Variants in CNTNAP2 observed in about 807,000 individuals in gnomAD.
CNTNAP2 encodes contactin-associated protein-like 2.
CNTNAP2 carries 98 observed loss-of-function variants against 155.2 expected under a neutral mutation model. The observed-to-expected ratio is 0.63, with a 90% CI of 0.54 to 0.75. CNTNAP2 has a LOEUF of 0.75. Ranked by LOEUF, CNTNAP2 falls within the 30% of genes least tolerant of loss-of-function variation. CNTNAP2 has a pLI of 0.00. For missense variants in CNTNAP2, 1,727 were observed against 1,688.1 expected (o/e 1.02, Z -0.40); for synonymous variants, 651 against 631.2 (o/e 1.03, Z -0.47).
intron 15 of CNTNAP2, among the ~76,000 whole-genome samples, chr7:147,998,412 A>G (rs770571541): frequency 5.9e-5 from 9 of 152,054 alleles, no homozygotes; most frequent in Non-Finnish European, 1.0e-4. Context: ...CGCCCGGCCC[A>G]TGGTCACTTT....
At chr7:146,665,248 G>A (rs748047646) in intron 1 of CNTNAP2, among the ~76,000 whole-genome samples, 10 of 152,110 alleles carry the variant, frequency 6.6e-5, no homozygotes, top group African/African-American at 1.2e-4. Context: ...CGCGCCCGGC[G>A]TCTTGCTATC....
intron 1 of CNTNAP2, among the ~76,000 whole-genome samples, chr7:146,266,468 G>A (rs1306306060): frequency 6.6e-6 from 1 of 152,114 alleles, no homozygotes; most frequent in African/African-American, 2.4e-5. Context: ...AGTAGATAAG[G>A]CATGGTTTGG....
At chr7:146,291,288 A>G (rs1005895643) in intron 1 of CNTNAP2, among the ~76,000 whole-genome samples, 6 of 152,214 alleles carry the variant, frequency 3.9e-5, no homozygotes, top group Non-Finnish European at 8.8e-5. Context: ...TCATGGGCCA[A>G]ATTCAGCTAG....
intron 14 of CNTNAP2, among the ~76,000 whole-genome samples, chr7:147,945,000 T>C (rs1435142777): frequency 1.3e-5 from 2 of 152,190 alleles, no homozygotes; most frequent in Non-Finnish European, 2.9e-5. Context: ...AGGCACAGTT[T>C]CTTGAAATAC....
chr7:148,187,906 A>G (rs1274590798), intron 18 of CNTNAP2, among the ~76,000 whole-genome samples: 3 of 152,128 alleles, frequency 2.0e-5, no homozygotes, highest in East Asian at 3.9e-4. Flanking sequence ...AAAATCAACC[A>G]TATGAATAAA....
At chr7:147,261,051 G>A (rs751495793) in intron 8 of CNTNAP2, among the ~76,000 whole-genome samples, 6 of 152,106 alleles carry the variant, frequency 3.9e-5, no homozygotes, top group Non-Finnish European at 8.8e-5. Flanking sequence ...TACAGTCTCT[G>A]GCAATTCATA....
chr7:146,134,579 T>C (rs62504792), intron 1 of CNTNAP2, among the ~76,000 whole-genome samples: 32,442 of 143,536 alleles, frequency 0.23, 4,307 homozygotes, highest in Non-Finnish European at 0.33. Context: ...TTTTGAAATA[T>C]GTCCCATCAA....
chr7:147,904,972 A>C (rs538212730), intron 14 of CNTNAP2, among the ~76,000 whole-genome samples: 3 of 152,270 alleles, frequency 2.0e-5, no homozygotes, highest in Admixed American at 2.0e-4. Flanking sequence ...TTAAAAGGGC[A>C]TGGTCTTTGA....
intron 5 of CNTNAP2, among the ~76,000 whole-genome samples, chr7:147,113,894 A>C (rs1455124358): frequency 6.6e-6 from 1 of 151,914 alleles, no homozygotes; most frequent in Non-Finnish European, 1.5e-5. Flanking sequence ...TAATTCTTTT[A>C]GTTGTGATGC....
At chr7:148,150,403 C>A (rs563238621) in intron 17 of CNTNAP2, among the ~76,000 whole-genome samples, 107 of 152,134 alleles carry the variant, frequency 7.0e-4, no homozygotes, top group African/African-American at 2.5e-3. Context: ...AAAAAATTAG[C>A]CAGGCATGGT....
chr7:147,080,022 A>G (rs1327766729), intron 4 of CNTNAP2, among the ~76,000 whole-genome samples: 1 of 134,580 alleles, frequency 7.4e-6, no homozygotes, highest in Non-Finnish European at 1.5e-5. Flanking sequence ...TTTTTTGCAT[A>G]GCCATATGCT....
intron 15 of CNTNAP2, among the ~76,000 whole-genome samples, chr7:148,046,838 A>G (rs1158847624): frequency 1.3e-5 from 2 of 152,248 alleles, no homozygotes; most frequent in African/African-American, 4.8e-5. Context: ...AACACAGAAG[A>G]ATGTTCTTCA....
At chr7:147,959,460 G>C (rs1756291062) in intron 14 of CNTNAP2, among the ~76,000 whole-genome samples, 1 of 152,106 alleles carries the variant, frequency 6.6e-6, no homozygotes, top group Non-Finnish European at 1.5e-5. Context: ...GAATTTAAGG[G>C]CAAGCCAATG....
intron 1 of CNTNAP2, among the ~76,000 whole-genome samples, chr7:146,298,249 T>C (rs7802166): frequency 0.022 from 3,358 of 152,276 alleles, 145 homozygotes; most frequent in African/African-American, 0.076. Flanking sequence ...TATTGAGTTA[T>C]TGTTCTGTGT....
chr7:147,223,579 C>G (rs1034207586), intron 8 of CNTNAP2, among the ~76,000 whole-genome samples: 3 of 152,176 alleles, frequency 2.0e-5, no homozygotes, highest in African/African-American at 7.2e-5. Context: ...AACAGGAACG[C>G]AGTGTGGGAT....
At chr7:147,830,163 TAAA>T (rs3055144) in intron 13 of CNTNAP2, among the ~76,000 whole-genome samples, 188 of 144,964 alleles carry the variant, frequency 1.3e-3, no homozygotes, top group Middle Eastern at 3.6e-3. Flanking sequence ...GGGTTGCTAT[TAAA>T]AAAAAAAAAA....
At chr7:146,889,170 C>T (rs910359509) in intron 3 of CNTNAP2, among the ~76,000 whole-genome samples, 1 of 152,092 alleles carries the variant, frequency 6.6e-6, no homozygotes, top group Non-Finnish European at 1.5e-5. Flanking sequence ...ATTAATTATA[C>T]CTCAATAAAG....
At chr7:148,345,092 A>T (rs1798297868) in intron 21 of CNTNAP2, among the ~76,000 whole-genome samples, 2 of 152,226 alleles carry the variant, frequency 1.3e-5, no homozygotes, top group African/African-American at 4.8e-5. Flanking sequence ...GTGGAGGGTC[A>T]CTCAGAACAG....
At chr7:148,257,683 CA>C (rs1025909788) in intron 20 of CNTNAP2, among the ~76,000 whole-genome samples, 12 of 152,130 alleles carry the variant, frequency 7.9e-5, no homozygotes, top group African/African-American at 2.9e-4. Context: ...GCACTGAAAT[CA>C]AGACTCTCAG....
Sources: allele counts gnomAD v4.1 joint callset (sites outside exome capture counted in the v4.1 genomes callset), GRCh38; gene constraint gnomAD v4.1.1; transcripts MANE v1.5; gene names NCBI Gene and HGNC (gene_info 2026-07-23, HGNC 2026-07-21).